The following TMEM41B variants were observed in gnomAD, a reference collection of about 807,000 sequenced individuals.
The protein encoded by TMEM41B is transmembrane protein 41B.
A neutral mutation model predicts 31.9 loss-of-function variants in TMEM41B; 18 were observed. That is an observed-to-expected ratio of 0.56 (90% confidence interval 0.39 to 0.84). The LOEUF is 0.84. TMEM41B is among the 40% of genes least tolerant of loss of function. The pLI is 0.00. For synonymous variants in TMEM41B, 144 were observed against 124.3 expected (o/e 1.16, Z -1.05); for missense variants, 322 against 348.0 (o/e 0.93, Z 0.59).
intron 1 of TMEM41B, chr11:9,311,302 A>C: frequency 6.6e-7 from 1 of 1,523,380 alleles, no homozygotes; most frequent in Non-Finnish European, 9.0e-7. Context: ...CTGCTGGAAG[A>C]GGAGGAGGAA....
chr11:9,313,321 T>G (rs1465622750), intron 1 of TMEM41B, among the ~76,000 whole-genome samples: 2 of 152,218 alleles, frequency 1.3e-5, no homozygotes, highest in Non-Finnish European at 2.9e-5. Context: ...TTAAATTATT[T>G]GAAAATACAT....
At chr11:9,284,224 A>T (rs1008400236) in intron 6 of TMEM41B, among the ~76,000 whole-genome samples, 1 of 151,550 alleles carries the variant, frequency 6.6e-6, no homozygotes, top group Admixed American at 6.6e-5. Context: ...CACTCATTGC[A>T]GCCTCAGTCT....
chr11:9,314,539 G>A lies in TMEM41B; in HGVS notation c.-98C>T, dbSNP rs1853647381. On this transcript the variant is annotated 5_prime_UTR_variant, in exon 1 of 7. Transcript: ENST00000528080. ...ACTACGCCGAAGCGCCACGGCTAGA[G>A]CCACTTCCGGCGCGACCTCCTCACC... 4 of 1,437,266 alleles carry A rather than the reference G, an allele frequency of 2.8e-6. No homozygotes were observed. Among genetic ancestry groups the A allele is most frequent in the Non-Finnish European group, 2.7e-6 (3 of 1,092,912 alleles). The allele number at this position is 1,437,266 out of a possible 1,614,324, so 89.0% of individuals were successfully genotyped here.
intron 1 of TMEM41B, chr11:9,311,301 G>A (rs1853554961): frequency 6.6e-7 from 1 of 1,523,210 alleles, no homozygotes; most frequent in South Asian, 1.1e-5. Flanking sequence ...ACTGCTGGAA[G>A]AGGAGGAGGA....
Position 9,299,325 on chromosome 11 carries a change from T to TACATACACAC in TMEM41B, c.239+258_239+259insGTGTGTATGT, listed in dbSNP as rs1554943934. On this transcript the variant is annotated intron_variant, in intron 2 of 6. Transcript: ENST00000528080. Reference sequence around the variant, plus strand: ...AAAAAAGAAAGTATATATACATACATACACACACACACACACACACGTGTG... The same window carrying TACATACACAC: ...AAAAAAGAAAGTATATATACATACATACATACACACACACACACACACACACACACGTGTG... 9.6e-4 allele frequency among the ~76,000 whole-genome samples: 118 copies of TACATACACAC among 123,150 alleles called. 1 individual carries two copies. Among genetic ancestry groups the TACATACACAC allele is most frequent in the Middle Eastern group, 9.0e-3 (2 of 222 alleles). The allele number at this position is 123,150 out of a possible 152,430, so 80.8% of individuals were successfully genotyped here.
intron 3 of TMEM41B, among the ~76,000 whole-genome samples, chr11:9,294,674 T>C (rs910236302): frequency 3.3e-5 from 5 of 151,986 alleles, no homozygotes; most frequent in Non-Finnish European, 7.4e-5. Context: ...AGCTAAGCAG[T>C]TTGAAATAAA....
intron 4 of TMEM41B, chr11:9,288,083 C>A: frequency 2.3e-6 from 1 of 425,556 alleles, no homozygotes; most frequent in Non-Finnish European, 4.1e-6. Context: ...ATTTCAGGAG[C>A]CAATTTCCAC....
intron 1 of TMEM41B, among the ~76,000 whole-genome samples, chr11:9,306,652 C>G (rs1564967774): frequency 6.6e-6 from 1 of 152,022 alleles, no homozygotes; most frequent in Non-Finnish European, 1.5e-5. Context: ...CGCCACCGCA[C>G]TCTAGCCTGG....
intron 1 of TMEM41B, among the ~76,000 whole-genome samples, chr11:9,300,794 T>C (rs1017291316): frequency 6.6e-6 from 1 of 150,526 alleles, no homozygotes; most frequent in African/African-American, 2.4e-5. Context: ...AGGAGAATGG[T>C]GTGAACCCGG....
chr11:9,299,325 T>TATACACACACACACAC (rs1554943935), intron 2 of TMEM41B, among the ~76,000 whole-genome samples: 1 of 123,144 alleles, frequency 8.1e-6, no homozygotes, highest in Non-Finnish European at 1.6e-5. Context: ...TATACATACA[T>TATACACACACACACAC]ACACACACAC....
In TMEM41B at chr11:9,314,545, T is replaced by G. The variant is rs1853647561; in HGVS notation, c.-104A>C. On this transcript the variant is annotated 5_prime_UTR_variant, in exon 1 of 7. Coordinates refer to ENST00000528080, the MANE Select transcript of TMEM41B (RefSeq NM_015012.4). ...CCGAAGCGCCACGGCTAGAGCCACTTCCGGCGCGACCTCCTCACCCGAGAC... is the reference window on the plus strand; with the variant it reads ...CCGAAGCGCCACGGCTAGAGCCACTGCCGGCGCGACCTCCTCACCCGAGAC... The G allele has an allele frequency of 6.3e-6, 9 of 1,429,906 alleles. No individual in the cohort carries two copies. Among genetic ancestry groups the G allele is most frequent in the Non-Finnish European group, 8.3e-6 (9 of 1,088,368 alleles). 88.6% of individuals were successfully genotyped at this position (1,429,906 alleles called of 1,614,324 possible).
intron 6 of TMEM41B, among the ~76,000 whole-genome samples, chr11:9,283,935 C>A (rs538856025): frequency 1.2e-3 from 178 of 152,128 alleles, no homozygotes; most frequent in Middle Eastern, 0.01. Context: ...CAGGCATGTG[C>A]CACCACACCC....
rs1035130052 is a variant in TMEM41B at position 9,301,264 on chromosome 11, G to C, written c.122-1563C>G. 6.0e-5 allele frequency among the ~76,000 whole-genome samples: 9 copies of C among 150,746 alleles called. No individual in the cohort carries two copies. In the South Asian group the frequency reaches 1.9e-3, roughly 32 times the overall value. The stretch of plus-strand genomic sequence containing the variant: ...CAAAAAATTAGCTGGGCATGGTGGT[G>C]GGCGCCTGTAGTCCCAGCTACTTGG... On this transcript the variant is annotated intron_variant, in intron 1 of 6. Transcript: ENST00000528080.
chr11:9,299,128 A>T (rs1050617900), intron 2 of TMEM41B, among the ~76,000 whole-genome samples: 1 of 151,706 alleles, frequency 6.6e-6, no homozygotes, highest in Admixed American at 6.6e-5. Context: ...TAAAAATACA[A>T]AAATTAGCTG....
intron 4 of TMEM41B, among the ~76,000 whole-genome samples, 161 bp downstream of exon 4, chr11:9,288,281 G>A (rs1034151285): frequency 3.9e-5 from 6 of 152,116 alleles, no homozygotes; most frequent in Non-Finnish European, 5.9e-5. Context: ...TGTTCTGGGG[G>A]AAAAACAAAT....
intron 6 of TMEM41B, among the ~76,000 whole-genome samples, chr11:9,284,418 C>G (rs1852790340): frequency 6.6e-6 from 1 of 151,970 alleles, no homozygotes; most frequent in Non-Finnish European, 1.5e-5. Flanking sequence ...TCCCAAAGTG[C>G]TGGGATTACA....
intron 6 of TMEM41B, among the ~76,000 whole-genome samples, chr11:9,285,918 C>T (rs539064686): frequency 4.7e-4 from 71 of 152,068 alleles, no homozygotes; most frequent in African/African-American, 1.5e-3. Flanking sequence ...AATTCGAGAC[C>T]AGCCTGGCCA....
chr11:9,298,478 T>C (rs1853155225), intron 2 of TMEM41B, among the ~76,000 whole-genome samples: 1 of 103,726 alleles, frequency 9.6e-6, no homozygotes, highest in South Asian at 3.1e-4. Context: ...AAAAAAAAAA[T>C]TGTGGGCTGG....
At chr11:9,311,637 A>G in intron 1 of TMEM41B, 9 of 876,050 alleles carry the variant, frequency 1.0e-5, no homozygotes, top group South Asian at 7.4e-5. Context: ...AGGGCACCCA[A>G]TGTTGGGTGG....
Sources: gnomAD v4.1 joint callset for allele counts (sites outside exome capture counted in the v4.1 genomes callset) on GRCh38, gnomAD v4.1.1 for gene constraint, MANE v1.5 for transcripts, NCBI Gene and HGNC (gene_info 2026-07-23, HGNC 2026-07-21) for gene names.